ARHGAP10: variants seen among roughly 807,000 people sequenced by gnomAD.
ARHGAP10 encodes rho GTPase-activating protein 10.
A neutral mutation model predicts 108.6 loss-of-function variants in ARHGAP10; 87 were observed. The ratio of observed to expected loss-of-function variants is 0.80; its 90% CI spans 0.67 to 0.96. The LOEUF is 0.96. ARHGAP10 is among the 40% of genes least tolerant of loss of function. The pLI is 0.00. For missense variants in ARHGAP10, 939 were observed against 954.5 expected, an observed-to-expected ratio of 0.98 and a Z score of 0.21; for synonymous variants, 347 against 341.1, an observed-to-expected ratio of 1.02 and a Z score of -0.19.
chr4:147,965,051 A>C lies in ARHGAP10; in HGVS notation c.1478A>C (p.Asn493Thr), dbSNP rs1256999674. The C allele has an allele frequency of 1.2e-6, 2 of 1,604,062 alleles. No homozygotes were observed. The highest frequency in any genetic ancestry group is 1.3e-5 in the African/African-American group (1 of 74,576). ...AKSGSPESRV[N>T]AIHFLVHKLP... is the part of the protein sequence containing the mutation. ...AGCGGCAGCCCAGAATCTCGTGTTA[A>C]TGCGATCCATTTCTTGGTACACAAA... The change falls in exon 17 of 23, where the codon AAT (asparagine) becomes ACT (threonine). Residue 493 changes from asparagine (N) to threonine (T), a missense_variant. Coordinates refer to ENST00000336498, the MANE Select transcript of ARHGAP10 (RefSeq NM_024605.4).
chr4:147,824,546 A>C (rs2126788676), intron 3 of ARHGAP10, among the ~76,000 whole-genome samples: 1 of 152,300 alleles, frequency 6.6e-6, no homozygotes, highest in Admixed American at 6.5e-5. Context: ...AAAGAGGTTT[A>C]ATTGACTCAC....
chr4:147,892,447 G>A (rs997636843), intron 10 of ARHGAP10, among the ~76,000 whole-genome samples: 3 of 152,082 alleles, frequency 2.0e-5, no homozygotes, highest in Admixed American at 6.6e-5. Context: ...ACTGTTTTTG[G>A]CACTGAGGAT....
At chr4:147,778,255 A>T (rs1730386353) in intron 1 of ARHGAP10, among the ~76,000 whole-genome samples, 1 of 152,060 alleles carries the variant, frequency 6.6e-6, no homozygotes, top group African/African-American at 2.4e-5. Context: ...TGTATGATAG[A>T]TGTCTGACAT....
chr4:147,851,857 A>G (rs1733887949), intron 4 of ARHGAP10, among the ~76,000 whole-genome samples: 1 of 152,202 alleles, frequency 6.6e-6, no homozygotes, highest in Non-Finnish European at 1.5e-5. Context: ...GATGTACTCT[A>G]CCATCTCATC....
rs755467012 is a variant in ARHGAP10, at chr4:147,875,026, G to C, written c.708G>C (p.Arg236=). The C allele has an allele frequency of 1.1e-5, 17 of 1,584,278 alleles. No individual in the cohort carries two copies. Among genetic ancestry groups the C allele is most frequent in the African/African-American group, 1.4e-5 (1 of 73,294 alleles). ...TGTTTTTTAATCCATTTCAGACACG[G>C]AATCGATTTGAAGGAACAAGGTCAG... The part of the protein sequence containing the change: ...MELQINIQNT[R]NRFEGTRSEV... Residue 236 remains arginine (R), a synonymous_variant, in exon 8 of 23, where the codon CGG becomes CGC. Coordinates refer to ENST00000336498, the MANE Select transcript of ARHGAP10 (RefSeq NM_024605.4).
intron 13 of ARHGAP10, among the ~76,000 whole-genome samples, chr4:147,924,747 C>T (rs976148240): frequency 6.6e-6 from 1 of 152,012 alleles, no homozygotes; most frequent in Non-Finnish European, 1.5e-5. Context: ...TTAACTCTGC[C>T]TGTAACCTCT....
At chr4:147,984,953 C>T (rs754515034) in intron 18 of ARHGAP10, among the ~76,000 whole-genome samples, 11 of 152,182 alleles carry the variant, frequency 7.2e-5, no homozygotes, top group Non-Finnish European at 1.3e-4. Context: ...ATGGCAGGTC[C>T]GAGCATCAGC....
rs1051255225 is a variant in ARHGAP10 at position 147,972,337 on chromosome 4, C to G, written c.1716+5498C>G. On this transcript the variant is annotated intron_variant, in intron 18 of 22. Coordinates refer to ENST00000336498, the MANE Select transcript of ARHGAP10 (RefSeq NM_024605.4). The stretch of plus-strand genomic sequence containing the variant: ...TACACTTAAAAATATATATATAAAA[C>G]ATAAAATTCCCATTGCATAAATATA... 2.6e-5 allele frequency among the ~76,000 whole-genome samples: 4 copies of G among 152,158 alleles called. No homozygotes were observed. In the South Asian group the frequency reaches 8.3e-4, roughly 32 times the overall value.
intron 13 of ARHGAP10, among the ~76,000 whole-genome samples, chr4:147,919,336 A>G (rs1737131727): frequency 6.6e-6 from 1 of 152,256 alleles, no homozygotes; most frequent in South Asian, 2.1e-4. Context: ...CAGTATCAGC[A>G]TAAATTAACA....
chr4:147,919,369 G>T (rs1157725679), intron 13 of ARHGAP10, among the ~76,000 whole-genome samples: 1 of 152,140 alleles, frequency 6.6e-6, no homozygotes, highest in African/African-American at 2.4e-5. Context: ...CCATAGAGTA[G>T]TTTGCTCATG....
chr4:147,826,499 T>C (rs1034983628), intron 3 of ARHGAP10, among the ~76,000 whole-genome samples: 2 of 152,200 alleles, frequency 1.3e-5, no homozygotes, highest in African/African-American at 2.4e-5. Context: ...AGCAGGACGC[T>C]GTCCAAAGCT....
chr4:147,998,271 C>G (rs906289574), intron 18 of ARHGAP10, among the ~76,000 whole-genome samples: 9 of 152,014 alleles, frequency 5.9e-5, no homozygotes, highest in Non-Finnish European at 1.3e-4. Flanking sequence ...AAAACAAATA[C>G]AGAAATAATA....
intron 1 of ARHGAP10, among the ~76,000 whole-genome samples, chr4:147,800,832 C>T (rs937242198): frequency 6.6e-6 from 1 of 151,968 alleles, no homozygotes; most frequent in African/African-American, 2.4e-5. Context: ...TCTTTTTTGA[C>T]ACAGCGTCTT....
chr4:148,069,491 A>G (rs7666483), intron 22 of ARHGAP10, among the ~76,000 whole-genome samples: 2,388 of 152,246 alleles, frequency 0.016, 57 homozygotes, highest in African/African-American at 0.054. Flanking sequence ...GGTTTCCCCA[A>G]TCAAGCCTCC....
intron 3 of ARHGAP10, among the ~76,000 whole-genome samples, chr4:147,825,433 C>G (rs1010505678): frequency 1.7e-4 from 26 of 150,018 alleles, no homozygotes; most frequent in Non-Finnish European, 3.1e-4. Flanking sequence ...GGCGACAGAG[C>G]GAGACTCCAT....
chr4:147,807,725 T>C lies in ARHGAP10; in HGVS notation c.155-15002T>C, dbSNP rs544375023. 3.9e-5 allele frequency among the ~76,000 whole-genome samples: 6 copies of C among 152,286 alleles called. No individual in the cohort carries two copies. In the South Asian group the frequency reaches 1.2e-3, roughly 32 times the overall value. On this transcript the variant is annotated intron_variant, in intron 1 of 22. Transcript: ENST00000336498. ...ATGGCATTTTATACCAGAGACATAA[T>C]TGTAATCAAATAAGAAAAAAGCACA... is the stretch of plus-strand genomic sequence containing the variant.
intron 18 of ARHGAP10, among the ~76,000 whole-genome samples, chr4:147,999,857 C>T (rs76360005): frequency 0.021 from 3,132 of 152,080 alleles, 64 homozygotes; most frequent in South Asian, 0.093. Flanking sequence ...AAAGGAATTA[C>T]CAGAATGGAT....
rs1730213951 is a variant in ARHGAP10 at position 148,072,177 on chromosome 4, C to T, written c.*96C>T. 9.1e-7 allele frequency: 1 copy of T among 1,097,690 alleles called. No individual in the cohort carries two copies. The highest frequency in any genetic ancestry group is 1.3e-6 in the Non-Finnish European group (1 of 767,250). The allele number at this position is 1,097,690 out of a possible 1,614,324, so 68.0% of individuals were successfully genotyped here. A position where few individuals can be genotyped will look rare whatever the true frequency, so the allele number is the denominator to read the frequency against. Reference sequence around the variant, plus strand: ...CCTCCGAGGCTCTGGGCTGCACCCACAGGTACCTCCACACTTGGGAGTTAC... The same window carrying T: ...CCTCCGAGGCTCTGGGCTGCACCCATAGGTACCTCCACACTTGGGAGTTAC... On this transcript the variant is annotated 3_prime_UTR_variant, in exon 23 of 23. Coordinates refer to ENST00000336498, the MANE Select transcript of ARHGAP10 (RefSeq NM_024605.4).
At chr4:147,957,279 A>G (rs368207439) in intron 16 of ARHGAP10, among the ~76,000 whole-genome samples, 3 of 152,318 alleles carry the variant, frequency 2.0e-5, no homozygotes, top group South Asian at 4.1e-4. Context: ...TTTAGGGGCC[A>G]AGGTTTCCAA....
Sources: allele counts gnomAD v4.1 joint callset (sites outside exome capture counted in the v4.1 genomes callset), GRCh38; gene constraint gnomAD v4.1.1; transcripts MANE v1.5; gene names NCBI Gene and HGNC (gene_info 2026-07-23, HGNC 2026-07-21).